The following PEMT variants were observed in gnomAD, a reference collection of about 807,000 sequenced individuals.
PEMT encodes the protein phosphatidylethanolamine N-methyltransferase, also known as phospholipid methyltransferase.
PEMT carries 23 observed loss-of-function variants against 27.4 expected under a neutral mutation model. The ratio of observed to expected loss-of-function variants is 0.84; its 90% CI spans 0.60 to 1.19. PEMT has a LOEUF of 1.19. Among genes scored for constraint, PEMT ranks in the 50% most tolerant of loss-of-function variants. The pLI is 0.00. For synonymous variants in PEMT, 137 were observed against 139.1 expected (o/e 0.98, Z 0.11); for missense variants, 307 against 310.1 (o/e 0.99, Z 0.07).
intron 2 of PEMT, among the ~76,000 whole-genome samples, chr17:17,524,043 ACTT>A (rs1243016975): frequency 1.3e-5 from 2 of 152,166 alleles, no homozygotes; most frequent in Non-Finnish European, 2.9e-5. Flanking sequence ...GGCTGCTTTG[ACTT>A]TATGTAACGT....
chr17:17,527,640 A>G (rs1057401965), intron 2 of PEMT, among the ~76,000 whole-genome samples: 6 of 152,216 alleles, frequency 3.9e-5, no homozygotes, highest in African/African-American at 1.4e-4. Context: ...ATACTACACC[A>G]GGCACATGGG....
At chr17:17,580,879 GC>G (rs1428929214) in intron 1 of PEMT, among the ~76,000 whole-genome samples, 2 of 152,174 alleles carry the variant, frequency 1.3e-5, no homozygotes, top group Non-Finnish European at 2.9e-5. Context: ...GACCTCAGTG[GC>G]CTCCTGCCTT....
chr17:17,535,970 G>A (rs1377088443), intron 2 of PEMT, among the ~76,000 whole-genome samples: 2 of 152,182 alleles, frequency 1.3e-5, no homozygotes, highest in African/African-American at 2.4e-5. Context: ...CCTCCCTTGG[G>A]TTCTGTGAGG....
chr17:17,506,444 C>T (rs1567656061), intron 5 of PEMT, 143 bp from the exon 6 acceptor site: 5 of 590,796 alleles, frequency 8.5e-6, no homozygotes, highest in South Asian at 8.1e-5. Flanking sequence ...GCCCAGGCAG[C>T]ACTGCCCCTT....
At chr17:17,576,211 A>G (rs67640348) in intron 2 of PEMT, among the ~76,000 whole-genome samples, 8,877 of 152,084 alleles carry the variant, frequency 0.058, 787 homozygotes, top group African/African-American at 0.19. Flanking sequence ...GAGGTGTGGG[A>G]GGCATCTCAG....
At chr17:17,522,027 G>T (rs1907304336) in intron 3 of PEMT, among the ~76,000 whole-genome samples, 1 of 152,202 alleles carries the variant, frequency 6.6e-6, no homozygotes, top group African/African-American at 2.4e-5. Flanking sequence ...GATGTGACCT[G>T]GGGACCACCC....
At chr17:17,569,566 G>A (rs1237425125) in intron 2 of PEMT, among the ~76,000 whole-genome samples, 1 of 152,194 alleles carries the variant, frequency 6.6e-6, no homozygotes, top group African/African-American at 2.4e-5. Flanking sequence ...GCGTGACCCC[G>A]TGTGCATCTG....
chr17:17,512,514 A>G lies in PEMT; in HGVS notation c.461T>C (p.Phe154Ser). The change falls in exon 4 of 7, where the codon TTC becomes TCC. Residue 154 changes from phenylalanine to serine, a missense_variant. Physicochemically the swap from Phe to Ser is radical, Grantham distance 155 (BLOSUM62 -2). Coordinates refer to ENST00000255389, the MANE Select transcript of PEMT (RefSeq NM_148172.3). This position sits in a 1 kb window ranked among gnomAD's most constrained non-coding sequence, Gnocchi z 6.3. ...SFFALGFAGTFLGDYFGILKE... is the reference protein window; with the variant it reads ...SFFALGFAGTSLGDYFGILKE... ...CCCAGCCCTCAGGGTCTTACCTAGG[A>G]AAGTTCCAGCGAACCCCAGTGCAAA... 1 of 1,598,246 alleles carries G rather than the reference A, an allele frequency of 6.3e-7. No individual in the cohort carries two copies. The highest frequency in any genetic ancestry group is 8.5e-7 in the Non-Finnish European group (1 of 1,171,380).
At chr17:17,584,584 A>G (rs1391736466) in intron 1 of PEMT, among the ~76,000 whole-genome samples, 1 of 152,174 alleles carries the variant, frequency 6.6e-6, no homozygotes. Flanking sequence ...TACTGAAACT[A>G]CAAGTGTGAG....
intron 2 of PEMT, among the ~76,000 whole-genome samples, chr17:17,543,871 C>T (rs184011606): frequency 1.3e-5 from 2 of 152,296 alleles, no homozygotes; most frequent in Admixed American, 6.5e-5. Context: ...CCAGCTCATG[C>T]CTTTTTTGAC....
rs926778477 is a variant in PEMT, at chr17:17,529,155, G to A, written c.205-6760C>T. Among the ~76,000 whole-genome samples, 4 of 152,304 alleles carry A rather than the reference G, an allele frequency of 2.6e-5. No homozygotes were observed. In the East Asian group the frequency reaches 5.8e-4, roughly 22 times the overall value. On this transcript the variant is annotated intron_variant, in intron 2 of 6. Coordinates refer to ENST00000255389, the MANE Select transcript of PEMT (RefSeq NM_148172.3). ...TGCATATATGAACAGGCGGCTCTCCGAGGTCGCACCGTGTCAGCCCCCTCT... is the reference window on the plus strand; with the variant it reads ...TGCATATATGAACAGGCGGCTCTCCAAGGTCGCACCGTGTCAGCCCCCTCT...
chr17:17,576,201 G>C (rs1453036535), intron 2 of PEMT, among the ~76,000 whole-genome samples: 1 of 152,100 alleles, frequency 6.6e-6, no homozygotes, highest in African/African-American at 2.4e-5. Flanking sequence ...CACAGTCTGG[G>C]AGGTGTGGGA....
At position 17,582,449 on chromosome 17, in the gene PEMT, G is replaced by T; in HGVS notation, c.97-5422C>A. ...GTGGTCAGGGAATGATCTGCAGTGG[G>T]TCAACATGTCACATTGTGACACATG... On this transcript the variant is annotated intron_variant, in intron 1 of 6. Coordinates refer to ENST00000255389, the MANE Select transcript of PEMT (RefSeq NM_148172.3). This position sits in a 1 kb window ranked among gnomAD's most constrained non-coding sequence, Gnocchi z 4.9. 3.0e-6 allele frequency: 3 copies of T among 985,042 alleles called. No individual in the cohort carries two copies. The highest frequency in any genetic ancestry group is 3.6e-6 in the Non-Finnish European group (3 of 829,536). 61.0% of individuals were successfully genotyped at this position (985,042 alleles called of 1,614,324 possible).
intron 2 of PEMT, among the ~76,000 whole-genome samples, chr17:17,575,952 G>T (rs923698874): frequency 2.0e-5 from 3 of 152,150 alleles, no homozygotes; most frequent in African/African-American, 7.2e-5. Flanking sequence ...TGGGATCAAG[G>T]GTTCACCTTA....
rs1597908416 is a variant in PEMT, at chr17:17,541,424, G to C, written c.205-19029C>G. On this transcript the variant is annotated intron_variant, in intron 2 of 6. Coordinates refer to ENST00000255389, the MANE Select transcript of PEMT (RefSeq NM_148172.3). ...TCGTGGACCGTGGCCCGCAGCACCTGTCCCCACTTAGCTCCCAGGAGAGAA... is the reference window on the plus strand; with the variant it reads ...TCGTGGACCGTGGCCCGCAGCACCTCTCCCCACTTAGCTCCCAGGAGAGAA... Among the ~76,000 whole-genome samples, 5 of 152,320 alleles carry C rather than the reference G, an allele frequency of 3.3e-5. No individual in the cohort carries two copies. The East Asian group carries it at 9.6e-4, about 29-fold the overall frequency.
chr17:17,506,314 A>C lies in PEMT; in HGVS notation c.579-13T>G, dbSNP rs775191299. ...GGGGCTGGCGTGCCTGAAAGGACAG[A>C]GGCAGGTCAGGCCTGGCTGGAGCCA... On this transcript the variant is annotated splice_polypyrimidine_tract_variant and intron_variant, in intron 5 of 6. Coordinates refer to ENST00000255389, the MANE Select transcript of PEMT (RefSeq NM_148172.3). The C allele has an allele frequency of 5.8e-5, 91 of 1,558,068 alleles. No individual in the cohort carries two copies. Among genetic ancestry groups the C allele is most frequent in the Non-Finnish European group, 7.6e-5 (87 of 1,149,548 alleles).
intron 2 of PEMT, chr17:17,570,385 A>G (rs1911110633): frequency 2.5e-6 from 1 of 401,588 alleles, no homozygotes; most frequent in African/African-American, 2.2e-5. Flanking sequence ...CTCAAGGGAC[A>G]TCAGGCAATG....
rs572595367 is a variant in PEMT at position 17,586,070 on chromosome 17, G to A, written c.96+5461C>T. Among the ~76,000 whole-genome samples the A allele has an allele frequency of 3.6e-5, 5 of 140,026 alleles. No individual in the cohort carries two copies. The South Asian group carries it at 1.1e-3, about 31-fold the overall frequency. The allele number at this position is 140,026 out of a possible 152,430, so 91.9% of individuals were successfully genotyped here. A position where few individuals can be genotyped will look rare whatever the true frequency, so the allele number is the denominator to read the frequency against. ...TGCACTTCAGCCTGGGCGACAGAGC[G>A]AGACTCCGTCTCAAAAAAAAAAAAA... On this transcript the variant is annotated intron_variant, in intron 1 of 6. Coordinates refer to ENST00000255389, the MANE Select transcript of PEMT (RefSeq NM_148172.3).
chr17:17,544,336 A>C (rs76256332), intron 2 of PEMT, among the ~76,000 whole-genome samples: 1 of 150,420 alleles, frequency 6.6e-6, no homozygotes, highest in Non-Finnish European at 1.5e-5. Context: ...GCTGGAGTGC[A>C]ATGGTGTGAT....
Sources: allele counts gnomAD v4.1 joint callset (sites outside exome capture counted in the v4.1 genomes callset), GRCh38; gene constraint gnomAD v4.1.1; non-coding constraint Gnocchi (gnomAD v3.1); transcripts MANE v1.5; gene names NCBI Gene and HGNC (gene_info 2026-07-23, HGNC 2026-07-21).